The following ME3 variants were observed in gnomAD, a reference collection of about 807,000 sequenced individuals.
The protein encoded by ME3 is NADP-dependent malic enzyme, mitochondrial.
Under a neutral mutation model 68.9 loss-of-function variants are expected in ME3, and 48 were observed. The observed-to-expected ratio is 0.70, with a 90% CI of 0.55 to 0.89. The LOEUF is 0.89. ME3 is among the 40% of genes least tolerant of loss of function. The pLI is 0.00. For synonymous variants in ME3, 320 were observed against 318.8 expected (o/e 1.00, Z -0.04); for missense variants, 675 against 797.4 (o/e 0.85, Z 1.85).
chr11:86,496,239 C>T (rs1329131146), intron 6 of ME3, among the ~76,000 whole-genome samples: 7 of 152,050 alleles, frequency 4.6e-5, no homozygotes, highest in Non-Finnish European at 1.0e-4. Context: ...AACCCCATCT[C>T]GACTAAAAAT....
intron 2 of ME3, among the ~76,000 whole-genome samples, chr11:86,586,808 G>C (rs557835739): frequency 6.6e-6 from 1 of 152,144 alleles, no homozygotes; most frequent in Non-Finnish European, 1.5e-5. Context: ...GAGCCGAAGA[G>C]TGAAATAATA....
intron 4 of ME3, among the ~76,000 whole-genome samples, chr11:86,520,668 A>G (rs1025134813): frequency 4.6e-5 from 7 of 152,286 alleles, no homozygotes; most frequent in African/African-American, 1.7e-4. Context: ...GTAGACTTGA[A>G]GCTCAGAAGG....
intron 2 of ME3, among the ~76,000 whole-genome samples, chr11:86,564,170 T>A (rs1594464840): frequency 6.6e-6 from 1 of 152,154 alleles, no homozygotes; most frequent in East Asian, 1.9e-4. Context: ...TTTTCCTTGG[T>A]TAGCTGTATT....
intron 2 of ME3, among the ~76,000 whole-genome samples, chr11:86,610,952 TG>T (rs1942528052): frequency 6.6e-6 from 1 of 152,214 alleles, no homozygotes; most frequent in African/African-American, 2.4e-5. Context: ...GCTGTAGCAC[TG>T]GGGTCTGGAC....
In ME3 at chr11:86,565,738, G is replaced by A. The variant is rs533954844; in HGVS notation, c.184-5915C>T. ...AAGCCTTTTACTGGACATGTATTAT[G>A]TAAATATTTTTCCTAGTCTGTGGCT... On this transcript the variant is annotated intron_variant, in intron 2 of 14. Coordinates refer to ENST00000543262, the Ensembl canonical transcript of ME3. Among the ~76,000 whole-genome samples, 5 of 152,266 alleles carry A rather than the reference G, an allele frequency of 3.3e-5. No individual in the cohort carries two copies. In the East Asian group the frequency reaches 9.6e-4, roughly 29 times the overall value.
At chr11:86,450,434 C>G in intron 8 of ME3, 36 bp from the exon 9 acceptor site, 1 of 1,561,898 alleles carries the variant, frequency 6.4e-7, no homozygotes, top group Non-Finnish European at 8.8e-7. Context: ...CCTCTGGCCA[C>G]AGGCCGCCAG....
At chr11:86,467,877 C>G (rs1189914573) in intron 7 of ME3, among the ~76,000 whole-genome samples, 4 of 152,008 alleles carry the variant, frequency 2.6e-5, no homozygotes, top group Admixed American at 2.0e-4. Context: ...AGAATAAAAC[C>G]TCATTAATTG....
intron 6 of ME3, among the ~76,000 whole-genome samples, chr11:86,488,234 G>A (rs1951808270): frequency 6.6e-6 from 1 of 152,140 alleles, no homozygotes; most frequent in Non-Finnish European, 1.5e-5. Context: ...GTCTTCTTAG[G>A]GACAAAACTG....
intron 2 of ME3, among the ~76,000 whole-genome samples, chr11:86,659,384 A>G (rs112731641): frequency 6.6e-6 from 1 of 152,244 alleles, no homozygotes; most frequent in African/African-American, 2.4e-5. Context: ...AGAGACAGAC[A>G]TCACTCAAGG....
intron 5 of ME3, among the ~76,000 whole-genome samples, chr11:86,501,535 C>T (rs1952725030): frequency 1.3e-5 from 2 of 152,230 alleles, no homozygotes; most frequent in African/African-American, 4.8e-5. Flanking sequence ...ATGGCTCCTA[C>T]TGTCCTCTCT....
chr11:86,569,858 T>C (rs1001784771), intron 2 of ME3, among the ~76,000 whole-genome samples: 14 of 152,204 alleles, frequency 9.2e-5, no homozygotes, highest in African/African-American at 3.4e-4. Flanking sequence ...GGCCTAAATA[T>C]TTCCAAATTT....
At chr11:86,633,113 G>C (rs566847830) in intron 2 of ME3, among the ~76,000 whole-genome samples, 66 of 152,302 alleles carry the variant, frequency 4.3e-4, no homozygotes, top group African/African-American at 1.6e-3. Context: ...GTGTGGCCAG[G>C]CTGAGGATTT....
At chr11:86,618,520 TAAA>T (rs1297636995) in intron 2 of ME3, among the ~76,000 whole-genome samples, 45 of 152,214 alleles carry the variant, frequency 3.0e-4, no homozygotes, top group Non-Finnish European at 2.9e-5. Flanking sequence ...AGTCTAAATC[TAAA>T]CATACACAGC....
intron 2 of ME3, among the ~76,000 whole-genome samples, chr11:86,560,447 G>A (rs1211204341): frequency 6.6e-6 from 1 of 151,958 alleles, no homozygotes; most frequent in Non-Finnish European, 1.5e-5. Flanking sequence ...CCTAGTCTCA[G>A]GTAGTATCTT....
At chr11:86,450,050 C>G in intron 9 of ME3, 48 bp from the exon 10 acceptor site, 1 of 1,409,362 alleles carries the variant, frequency 7.1e-7, no homozygotes, top group African/African-American at 1.4e-5. Context: ...CAAACAGCTG[C>G]TGAACATTTA....
chr11:86,508,097 A>G (rs982682293), intron 5 of ME3, among the ~76,000 whole-genome samples: 2 of 151,916 alleles, frequency 1.3e-5, no homozygotes, highest in Admixed American at 6.6e-5. Flanking sequence ...TGGCAGGTTT[A>G]TTTTGTCATT....
chr11:86,568,443 A>T (rs1957605188), intron 2 of ME3, among the ~76,000 whole-genome samples: 1 of 152,164 alleles, frequency 6.6e-6, no homozygotes, highest in African/African-American at 2.4e-5. Flanking sequence ...AACCATTTTA[A>T]ATCTTTTACC....
At chr11:86,525,203 G>A (rs551592395) in intron 4 of ME3, among the ~76,000 whole-genome samples, 1 of 152,158 alleles carries the variant, frequency 6.6e-6, no homozygotes, top group African/African-American at 2.4e-5. Context: ...GTAAAATAGG[G>A]GCAATGAAAT....
At chr11:86,537,654 C>A (rs1565920261) in intron 4 of ME3, among the ~76,000 whole-genome samples, 1 of 152,330 alleles carries the variant, frequency 6.6e-6, no homozygotes, top group East Asian at 1.9e-4. Flanking sequence ...TCCATCTGTT[C>A]CCATGTCAGG....
Sources: gnomAD v4.1 joint callset for allele counts (sites outside exome capture counted in the v4.1 genomes callset) on GRCh38, gnomAD v4.1.1 for gene constraint, MANE v1.5 for transcripts, NCBI Gene and HGNC (gene_info 2026-07-23, HGNC 2026-07-21) for gene names.